ELP1: variants seen among roughly 807,000 people sequenced by gnomAD.
ELP1 encodes the protein elongator complex protein 1.
ELP1 carries 131 observed loss-of-function variants against 183.2 expected under a neutral mutation model. That is an observed-to-expected ratio of 0.72 (90% CI 0.62 to 0.83). The LOEUF (loss-of-function observed/expected upper bound fraction) is 0.83. Among genes scored for constraint, ELP1 ranks in the 40% least tolerant of loss-of-function variants. The pLI is 0.00. For missense variants in ELP1, 1,550 were observed against 1,594.9 expected (o/e 0.97, Z 0.48); for synonymous variants, 555 against 569.0 (o/e 0.98, Z 0.35).
chr9:108,895,533 G>T (rs1044135913), intron 25 of ELP1, among the ~76,000 whole-genome samples: 2 of 152,018 alleles, frequency 1.3e-5, no homozygotes, highest in South Asian at 4.1e-4. Context: ...TTCCTCCATG[G>T]GCAGAGGAAA....
chr9:108,932,771 G>A (rs1830040229), intron 1 of ELP1, among the ~76,000 whole-genome samples: 1 of 151,984 alleles, frequency 6.6e-6, no homozygotes, highest in South Asian at 2.1e-4. Flanking sequence ...GCTAGGAAAG[G>A]AATATCCTCC....
In ELP1 at chr9:108,896,584, T is replaced by C. The variant is rs753791141; in HGVS notation, c.2648A>G (p.His883Arg). The change falls in exon 25 of 37, where the codon CAT (histidine) becomes CGT (arginine). Residue 883 changes from histidine to arginine, a missense_variant. Coordinates refer to ENST00000374647, the MANE Select transcript of ELP1 (RefSeq NM_003640.5). ...SAEEALKYLL[H>R]LVDVNELYDH... ...ATATAATTCATTAACATCTACCAGA[T>C]GCAGCAAATATTTCAAGGCCTCTTC... 1.2e-6 allele frequency: 2 copies of C among 1,613,848 alleles called. No homozygotes were observed. Among genetic ancestry groups the C allele is most frequent in the Non-Finnish European group, 8.5e-7 (1 of 1,179,712 alleles).
intron 6 of ELP1, 123 bp from the exon 7 acceptor site, chr9:108,919,472 C>T (rs1465571726): frequency 1.6e-6 from 1 of 639,580 alleles, no homozygotes; most frequent in Non-Finnish European, 2.8e-6. Flanking sequence ...AAGCCTGCCT[C>T]TAGAATCAGA....
In ELP1 at chr9:108,923,345, G is replaced by A. The variant is rs948688864; in HGVS notation, c.467-418C>T. Reference sequence around the variant, plus strand: ...CCTGATTGTACTACTGCACTCTCTAGCCTGGGTAACACAGCGAGACCCCCA... The same window carrying A: ...CCTGATTGTACTACTGCACTCTCTAACCTGGGTAACACAGCGAGACCCCCA... On this transcript the variant is annotated intron_variant, in intron 5 of 36. Coordinates refer to ENST00000374647, the MANE Select transcript of ELP1 (RefSeq NM_003640.5). Among the ~76,000 whole-genome samples the A allele has an allele frequency of 2.0e-5, 3 of 152,180 alleles. No homozygotes were observed. The South Asian group carries it at 6.2e-4, about 32-fold the overall frequency.
At position 108,874,983 on chromosome 9, in the gene ELP1, T is replaced by TA. The variant is rs1554737879; in HGVS notation, c.3856-14dup. ...TGGGACCTAGAACCTGAGGAGAAAATAGACTGTATCAGCAAAGATTATCTA... is the reference window on the plus strand; with the variant it reads ...TGGGACCTAGAACCTGAGGAGAAAATAAGACTGTATCAGCAAAGATTATCTA... On this transcript the variant is annotated splice_polypyrimidine_tract_variant and intron_variant, in intron 35 of 36. Transcript: ENST00000374647. 2 of 1,569,442 alleles carry TA rather than the reference T, an allele frequency of 1.3e-6. No homozygotes were observed. The highest frequency in any genetic ancestry group is 1.8e-6 in the Non-Finnish European group (2 of 1,139,690).
intron 11 of ELP1, among the ~76,000 whole-genome samples, chr9:108,911,597 T>C (rs1362924193): frequency 2.0e-5 from 3 of 152,214 alleles, no homozygotes; most frequent in Non-Finnish European, 4.4e-5. Flanking sequence ...ATAGAATACA[T>C]GACTATAAAA....
Position 108,930,909 on chromosome 9 carries a change from TAAAG to T in ELP1, c.150+84_150+87del. On this transcript the variant is annotated intron_variant, in intron 2 of 36. Transcript: ENST00000374647. ...GGGAGGATATAAATTCAATAAGATA[TAAAG>T]AAAGACCATGTGGGGAAAGAAATTT... 6 of 1,273,954 alleles carry T rather than the reference TAAAG, an allele frequency of 4.7e-6. No homozygotes were observed. The South Asian group carries it at 7.2e-5, about 15-fold the overall frequency. 78.9% of individuals were successfully genotyped at this position (1,273,954 alleles called of 1,614,324 possible).
chr9:108,873,078 T>C (rs1026771167), intron 36 of ELP1, among the ~76,000 whole-genome samples: 3 of 152,212 alleles, frequency 2.0e-5, no homozygotes, highest in African/African-American at 7.2e-5. Flanking sequence ...TTTTCAATTT[T>C]TCTAAGGACC....
rs1564079947 is a variant in ELP1 at position 108,891,217 on chromosome 9, C to T, written c.3146G>A (p.Gly1049Asp). 6.2e-7 allele frequency: 1 copy of T among 1,614,182 alleles called. No individual in the cohort carries two copies. Among genetic ancestry groups the T allele is most frequent in the Admixed American group, 1.7e-5 (1 of 60,020 alleles). Reference protein sequence around the residue: ...NFTKDQLVGLGRTLAGKLVEQ... With the variant: ...NFTKDQLVGLDRTLAGKLVEQ... ...ATTGTACTTACCTGCCAGAGTTCTG[C>T]CGAGGCCCACCAGCTGGTCTTTGGT... The change falls in exon 28 of 37, where the codon GGC becomes GAC. Residue 1049 changes from glycine to aspartate, a missense_variant. Physicochemically the swap from Gly to Asp is moderately conservative, Grantham distance 94 (BLOSUM62 -1). Transcript: ENST00000374647.
At chr9:108,875,075 AC>A in intron 35 of ELP1, 105 bp from the exon 36 acceptor site, 1 of 789,446 alleles carries the variant, frequency 1.3e-6, no homozygotes, top group Non-Finnish European at 2.3e-6. Flanking sequence ...TGTCATTTCT[AC>A]TGGTATGGTG....
In ELP1 at chr9:108,868,742, C is replaced by T. The variant is rs150965414; in HGVS notation, c.*373G>A. On this transcript the variant is annotated 3_prime_UTR_variant, in exon 37 of 37. Coordinates refer to ENST00000374647, the MANE Select transcript of ELP1 (RefSeq NM_003640.5). ...CACTAATAGCCATTGTAATCTTCTC[C>T]GCCAACAAAATAAGACAATTTAGAA... The T allele has an allele frequency of 2.2e-4, 120 of 549,710 alleles. No homozygotes were observed. The highest frequency in any genetic ancestry group is 1.8e-3 in the African/African-American group (98 of 53,328). The allele number at this position is 549,710 out of a possible 1,614,324, so 34.1% of individuals were successfully genotyped here.
intron 31 of ELP1, among the ~76,000 whole-genome samples, chr9:108,880,833 A>G (rs569652270): frequency 6.6e-6 from 1 of 152,314 alleles, no homozygotes; most frequent in South Asian, 2.1e-4. Context: ...ACCTAAAGTG[A>G]ATGACATAAA....
chr9:108,928,308 T>C (rs1829884003), intron 3 of ELP1, among the ~76,000 whole-genome samples: 2 of 152,232 alleles, frequency 1.3e-5, no homozygotes, highest in South Asian at 4.1e-4. Flanking sequence ...TTCCCAGAGC[T>C]GTCTCACGAG....
chr9:108,897,714 T>A (rs1162040886), intron 22 of ELP1, among the ~76,000 whole-genome samples: 2 of 152,182 alleles, frequency 1.3e-5, no homozygotes, highest in Non-Finnish European at 1.5e-5. Context: ...GCAAAACTGA[T>A]TTATGGTAAA....
chr9:108,872,334 T>C (rs1224082991), intron 36 of ELP1, among the ~76,000 whole-genome samples: 2 of 152,198 alleles, frequency 1.3e-5, no homozygotes, highest in Non-Finnish European at 2.9e-5. Context: ...TACAGTTAAT[T>C]TTATGCAGTT....
chr9:108,911,586 T>C (rs762383466), intron 11 of ELP1, among the ~76,000 whole-genome samples: 12 of 152,214 alleles, frequency 7.9e-5, no homozygotes, highest in African/African-American at 1.2e-4. Flanking sequence ...AAGTTCTCTA[T>C]ATAGAATACA....
At chr9:108,924,490 C>T (rs1283679177) in intron 5 of ELP1, among the ~76,000 whole-genome samples, 5 of 151,838 alleles carry the variant, frequency 3.3e-5, no homozygotes, top group African/African-American at 9.7e-5. Context: ...GTGAAAAAGT[C>T]AGTGGGAAAC....
chr9:108,911,638 T>C (rs566481545), intron 11 of ELP1, among the ~76,000 whole-genome samples: 3 of 152,304 alleles, frequency 2.0e-5, no homozygotes, highest in African/African-American at 7.2e-5. Flanking sequence ...ACACAGAATA[T>C]GAATTAATAT....
chr9:108,906,621 C>A, intron 13 of ELP1, 136 bp from the exon 14 acceptor site: 4 of 679,818 alleles, frequency 5.9e-6, no homozygotes, highest in Non-Finnish European at 1.0e-5. Context: ...ACCTGAGATA[C>A]TACCAAATAC....
Sources: allele counts gnomAD v4.1 joint callset (sites outside exome capture counted in the v4.1 genomes callset), GRCh38; gene constraint gnomAD v4.1.1; transcripts MANE v1.5; gene names NCBI Gene and HGNC (gene_info 2026-07-23, HGNC 2026-07-21).